SH3BGRL2: variants seen among roughly 807,000 people sequenced by gnomAD.
SH3BGRL2 encodes SH3 domain binding glutamate rich protein like 2.
A neutral mutation model predicts 14.8 loss-of-function variants in SH3BGRL2; 21 were observed. The observed-to-expected ratio is 1.42, with a 90% CI of 1.01 to 2.05. The LOEUF (loss-of-function observed/expected upper bound fraction) is 2.05. SH3BGRL2 is among the 30% of genes most tolerant of loss of function. The probability of loss-of-function intolerance (pLI) is 0.00; values close to 1 mark genes in which losing one functional copy is unlikely to be tolerated. For missense variants in SH3BGRL2, 147 were observed against 130.8 expected (o/e 1.12, Z -0.61); for synonymous variants, 50 against 47.8 (o/e 1.05, Z -0.19).
chr6:79,641,834 T>C (rs1769039305), intron 1 of SH3BGRL2, among the ~76,000 whole-genome samples: 1 of 152,214 alleles, frequency 6.6e-6, no homozygotes. Flanking sequence ...TACTACTTAC[T>C]AGGCTGAGAA....
chr6:79,546,828 C>T, the SH3BGRL2 span, among the ~76,000 whole-genome samples: 21 of 151,836 alleles, frequency 1.4e-4, no homozygotes, highest in South Asian at 6.3e-4. Context: ...TACAGATGCG[C>T]GCCACCATGC....
In SH3BGRL2 at chr6:79,655,896, C is replaced by A. The variant is rs550034217; in HGVS notation, c.46-17718C>A. ...TCCATAATCTGTGCTTTAACAAGCCCTCCAGGTGACCCAGATTCACCCAAG... is the reference window on the plus strand; with the variant it reads ...TCCATAATCTGTGCTTTAACAAGCCATCCAGGTGACCCAGATTCACCCAAG... On this transcript the variant is annotated intron_variant, in intron 1 of 3. Transcript: ENST00000369838. 2.6e-5 allele frequency among the ~76,000 whole-genome samples: 4 copies of A among 152,274 alleles called. No homozygotes were observed. In the South Asian group the frequency reaches 8.3e-4, roughly 32 times the overall value.
chr6:79,580,591 CAA>C, the SH3BGRL2 span, among the ~76,000 whole-genome samples: 3 of 152,060 alleles, frequency 2.0e-5, no homozygotes, highest in Non-Finnish European at 2.9e-5. Context: ...TCTTTGAAAA[CAA>C]AGAGAACAAA....
intron 1 of SH3BGRL2, among the ~76,000 whole-genome samples, chr6:79,659,855 A>G (rs1769505054): frequency 6.6e-6 from 1 of 152,110 alleles, no homozygotes. Flanking sequence ...GGTCCTTCAC[A>G]TCCCTTGTAA....
At chr6:79,699,432 A>G (rs901518970) in intron 3 of SH3BGRL2, 66 bp from the exon 4 acceptor site, 50 of 1,458,212 alleles carry the variant, frequency 3.4e-5, no homozygotes, top group Non-Finnish European at 4.4e-5. Flanking sequence ...GCCAAGGGTG[A>G]ATTTTCTTGT....
chr6:79,594,025 CA>C, the SH3BGRL2 span, among the ~76,000 whole-genome samples: 98 of 134,652 alleles, frequency 7.3e-4, no homozygotes, highest in Admixed American at 2.0e-3. Flanking sequence ...GACTCTGTCT[CA>C]AAAAAAAAAA....
At chr6:79,540,602 A>T in the SH3BGRL2 span, among the ~76,000 whole-genome samples, 1 of 152,144 alleles carries the variant, frequency 6.6e-6, no homozygotes, top group Admixed American at 6.5e-5. Context: ...TAAAGGATAC[A>T]GTTTCTGATC....
At chr6:79,617,434 A>G in the SH3BGRL2 span, among the ~76,000 whole-genome samples, 1 of 152,122 alleles carries the variant, frequency 6.6e-6, no homozygotes, top group Non-Finnish European at 1.5e-5. Flanking sequence ...AGAATGAACA[A>G]TCACTCCCTA....
intron 2 of SH3BGRL2, among the ~76,000 whole-genome samples, chr6:79,688,692 C>G (rs1177602417): frequency 6.6e-6 from 1 of 151,974 alleles, no homozygotes; most frequent in Admixed American, 6.6e-5. Context: ...GTAAGCCTGA[C>G]AAGTAAAACA....
At chr6:79,559,526 A>G in the SH3BGRL2 span, among the ~76,000 whole-genome samples, 3 of 152,224 alleles carry the variant, frequency 2.0e-5, no homozygotes, top group Admixed American at 6.5e-5. Context: ...AACTATGGAA[A>G]TGTTCCTCCA....
At chr6:79,652,608 C>T (rs1769318119) in intron 1 of SH3BGRL2, among the ~76,000 whole-genome samples, 2 of 151,936 alleles carry the variant, frequency 1.3e-5, no homozygotes, top group African/African-American at 2.4e-5. Context: ...CTCACGGTGC[C>T]TGACATCTTA....
At chr6:79,551,269 C>T in the SH3BGRL2 span, among the ~76,000 whole-genome samples, 5 of 152,080 alleles carry the variant, frequency 3.3e-5, no homozygotes, top group South Asian at 1.0e-3. Context: ...AACCTCACTC[C>T]CAAATTATTT....
intron 2 of SH3BGRL2, among the ~76,000 whole-genome samples, chr6:79,679,690 A>G (rs1330457561): frequency 6.6e-6 from 1 of 152,096 alleles, no homozygotes; most frequent in South Asian, 2.1e-4. Context: ...TTGCCTACCA[A>G]CATTACCTAC....
the SH3BGRL2 span, among the ~76,000 whole-genome samples, chr6:79,599,949 G>C: frequency 6.6e-6 from 1 of 152,078 alleles, no homozygotes; most frequent in African/African-American, 2.4e-5. Context: ...TAGGCTGGTG[G>C]GGCTGAGGAG....
intron 1 of SH3BGRL2, among the ~76,000 whole-genome samples, chr6:79,666,956 C>T (rs1769672672): frequency 6.6e-6 from 1 of 152,140 alleles, no homozygotes; most frequent in Admixed American, 6.5e-5. Context: ...GATAGAAAAG[C>T]TAGTATGTTT....
chr6:79,547,765 A>G, the SH3BGRL2 span, among the ~76,000 whole-genome samples: 2 of 152,200 alleles, frequency 1.3e-5, no homozygotes, highest in South Asian at 4.1e-4. Context: ...TCCCCTATGC[A>G]TAGTTGAAAG....
At chr6:79,676,852 G>T (rs1769895377) in intron 2 of SH3BGRL2, among the ~76,000 whole-genome samples, 1 of 152,004 alleles carries the variant, frequency 6.6e-6, no homozygotes, top group Non-Finnish European at 1.5e-5. Flanking sequence ...AGCTGTCTAT[G>T]TATCTTTGCC....
chr6:79,687,419 T>G (rs1052243877), intron 2 of SH3BGRL2, among the ~76,000 whole-genome samples: 1 of 152,202 alleles, frequency 6.6e-6, no homozygotes, highest in Non-Finnish European at 1.5e-5. Context: ...GTCTTGAACC[T>G]GTATGGTCAG....
the SH3BGRL2 span, among the ~76,000 whole-genome samples, chr6:79,539,156 C>T: frequency 1.3e-5 from 2 of 151,948 alleles, no homozygotes; most frequent in African/African-American, 4.8e-5. Flanking sequence ...TCAGTTTGAC[C>T]TTGAAAAAAG....
Sources: allele counts gnomAD v4.1 joint callset (sites outside exome capture counted in the v4.1 genomes callset), GRCh38; gene constraint gnomAD v4.1.1; transcripts MANE v1.5; gene names NCBI Gene and HGNC (gene_info 2026-07-23, HGNC 2026-07-21).